CNBD1: variants seen among roughly 807,000 people sequenced by gnomAD.
The protein encoded by CNBD1 is cyclic nucleotide binding domain containing 1, also known as cyclic nucleotide-binding domain-containing protein 1.
In CNBD1, 71 loss-of-function variants were observed where a neutral mutation model predicts 54.4. The ratio of observed to expected loss-of-function variants is 1.30; its 90% CI spans 1.08 to 1.59. The LOEUF (loss-of-function observed/expected upper bound fraction) is 1.59, where lower values mean the gene tolerates loss of function less well. Ranked by LOEUF, CNBD1 falls within the 40% of genes most tolerant of loss-of-function variation. The probability of loss-of-function intolerance (pLI) is 0.00; values close to 1 mark genes in which losing one functional copy is unlikely to be tolerated. For synonymous variants in CNBD1, 182 were observed against 170.7 expected, an observed-to-expected ratio of 1.07 and a Z score of -0.51; for missense variants, 659 against 518.0, an observed-to-expected ratio of 1.27 and a Z score of -2.64.
At chr8:86,991,992 G>A (rs1289040021) in intron 4 of CNBD1, among the ~76,000 whole-genome samples, 2 of 152,118 alleles carry the variant, frequency 1.3e-5, no homozygotes, top group Non-Finnish European at 2.9e-5. Flanking sequence ...TTATGTGATT[G>A]TTGCTGAATT....
At chr8:87,315,864 C>A (rs1809374419) in intron 8 of CNBD1, among the ~76,000 whole-genome samples, 1 of 151,834 alleles carries the variant, frequency 6.6e-6, no homozygotes, top group Non-Finnish European at 1.5e-5. Context: ...TTGGAATGTT[C>A]CAATCACAAA....
chr8:87,316,155 A>G (rs1037033070), intron 8 of CNBD1, among the ~76,000 whole-genome samples: 7 of 152,096 alleles, frequency 4.6e-5, no homozygotes, highest in Non-Finnish European at 7.4e-5. Context: ...TAAATAAAGC[A>G]TAACATACAA....
chr8:87,374,991 C>A (rs1185792040), intron 10 of CNBD1, among the ~76,000 whole-genome samples: 2 of 150,136 alleles, frequency 1.3e-5, no homozygotes, highest in Admixed American at 6.6e-5. Context: ...GTAATAATTT[C>A]TGGATTAGAA....
At chr8:87,284,226 T>C (rs1407753419) in intron 6 of CNBD1, among the ~76,000 whole-genome samples, 1 of 152,126 alleles carries the variant, frequency 6.6e-6, no homozygotes, top group Admixed American at 6.6e-5. Context: ...ATATTTATTG[T>C]TTACATATTA....
chr8:87,123,367 G>A (rs1023249916), intron 4 of CNBD1, among the ~76,000 whole-genome samples: 3 of 151,316 alleles, frequency 2.0e-5, no homozygotes, highest in African/African-American at 7.3e-5. Flanking sequence ...GAAAAATCTT[G>A]GAAAAATACA....
intron 3 of CNBD1, among the ~76,000 whole-genome samples, chr8:86,911,006 A>G (rs1809092267): frequency 6.6e-6 from 1 of 152,200 alleles, no homozygotes; most frequent in Non-Finnish European, 1.5e-5. Flanking sequence ...TGCTGTTTGC[A>G]TATCCCACGA....
At chr8:87,251,073 C>G (rs551992246) in intron 6 of CNBD1, among the ~76,000 whole-genome samples, 2 of 152,074 alleles carry the variant, frequency 1.3e-5, no homozygotes, top group South Asian at 4.1e-4. Flanking sequence ...ATTCCTATAT[C>G]AAAACATCAC....
At chr8:87,297,495 G>T (rs1808900981) in intron 8 of CNBD1, among the ~76,000 whole-genome samples, 1 of 152,012 alleles carries the variant, frequency 6.6e-6, no homozygotes, top group Non-Finnish European at 1.5e-5. Flanking sequence ...ACAGATATAC[G>T]ATATGAATTT....
At chr8:86,961,007 G>A (rs185649282) in intron 4 of CNBD1, among the ~76,000 whole-genome samples, 3 of 152,216 alleles carry the variant, frequency 2.0e-5, no homozygotes, top group Non-Finnish European at 4.4e-5. Context: ...CACCAACCTA[G>A]TTTCTGACTT....
chr8:87,314,125 G>A (rs1030537803), intron 8 of CNBD1, among the ~76,000 whole-genome samples: 4 of 151,268 alleles, frequency 2.6e-5, no homozygotes, highest in African/African-American at 9.7e-5. Flanking sequence ...TTCTAATTCA[G>A]TATAATATGG....
At chr8:87,071,641 T>C (rs1464102352) in intron 4 of CNBD1, among the ~76,000 whole-genome samples, 1 of 152,140 alleles carries the variant, frequency 6.6e-6, no homozygotes, top group Admixed American at 6.6e-5. Flanking sequence ...AATATATTAA[T>C]CTTGACTTCT....
chr8:87,004,542 T>TAA (rs756660574), intron 4 of CNBD1, among the ~76,000 whole-genome samples: 15 of 142,160 alleles, frequency 1.1e-4, no homozygotes, highest in Non-Finnish European at 1.5e-4. Context: ...AGTATTTATC[T>TAA]AAAAAAAAAA....
chr8:87,159,968 C>A (rs1812821616), intron 4 of CNBD1, among the ~76,000 whole-genome samples: 1 of 151,414 alleles, frequency 6.6e-6, no homozygotes, highest in Non-Finnish European at 1.5e-5. Context: ...CCAACCAATA[C>A]AGACAATGAC....
intron 4 of CNBD1, among the ~76,000 whole-genome samples, chr8:87,081,621 G>A (rs968192957): frequency 2.0e-5 from 3 of 150,754 alleles, no homozygotes; most frequent in Non-Finnish European, 3.0e-5. Flanking sequence ...TTCTCCTGCC[G>A]CAGCCTCCTG....
chr8:87,406,852 C>G (rs1563589931), intron 2 of CNBD1, among the ~76,000 whole-genome samples: 1 of 152,086 alleles, frequency 6.6e-6, no homozygotes, highest in South Asian at 2.1e-4. Flanking sequence ...CAGCCCCAGA[C>G]TGAGAACTAG....
chr8:87,307,609 A>G (rs1315107822), intron 8 of CNBD1, among the ~76,000 whole-genome samples: 1 of 151,940 alleles, frequency 6.6e-6, no homozygotes, highest in Non-Finnish European at 1.5e-5. Flanking sequence ...ATGGAGGCAC[A>G]TGCCTATAAT....
intron 4 of CNBD1, among the ~76,000 whole-genome samples, chr8:86,946,295 A>G (rs1807464488): frequency 6.6e-6 from 1 of 152,150 alleles, no homozygotes; most frequent in Non-Finnish European, 1.5e-5. Flanking sequence ...CTTCTTTATC[A>G]TATATTTGCA....
Position 86,916,134 on chromosome 8 carries a change from G to A in CNBD1, c.272+10940G>A, listed in dbSNP as rs188844489. On this transcript the variant is annotated intron_variant, in intron 3 of 10. Transcript: ENST00000518476. ...GGTGTTACTGGTGGCAAATCTGTTC[G>A]GGTCTGCAGCAACCTCAATGCTTGT... 1.1e-3 allele frequency among the ~76,000 whole-genome samples: 165 copies of A among 152,218 alleles called. 2 individuals are homozygous for A. The highest frequency in any genetic ancestry group is 5.4e-3 in the Admixed American group (82 of 15,282).
rs532416541 is a variant in CNBD1 at position 87,013,533 on chromosome 8, T to C, written c.431+73779T>C. Among the ~76,000 whole-genome samples, 5 of 152,072 alleles carry C rather than the reference T, an allele frequency of 3.3e-5. No homozygotes were observed. The South Asian group carries it at 1.0e-3, about 32-fold the overall frequency. ...TTTCTCTATTTTCTTTTCTGCTTGC[T>C]TTAAATCTGCTGTTACTTTTCTACT... On this transcript the variant is annotated intron_variant, in intron 4 of 10. Coordinates refer to ENST00000518476, the MANE Select transcript of CNBD1 (RefSeq NM_173538.3).
Sources: gnomAD v4.1 joint callset for allele counts (sites outside exome capture counted in the v4.1 genomes callset) on GRCh38, gnomAD v4.1.1 for gene constraint, MANE v1.5 for transcripts, NCBI Gene and HGNC (gene_info 2026-07-23, HGNC 2026-07-21) for gene names.